The following CAMK2B variants were observed in gnomAD, a reference collection of about 807,000 sequenced individuals.
The protein encoded by CAMK2B is calcium/calmodulin-dependent protein kinase type II subunit beta.
Under a neutral mutation model 93.7 loss-of-function variants are expected in CAMK2B, and 27 were observed. The observed-to-expected ratio is 0.29, with a 90% CI of 0.21 to 0.40. CAMK2B has a LOEUF of 0.40. CAMK2B is among the 10% of genes least tolerant of loss of function. The pLI is 1.00. For synonymous variants in CAMK2B, 374 were observed against 358.8 expected, an observed-to-expected ratio of 1.04 and a Z score of -0.48; for missense variants, 568 against 895.8, an observed-to-expected ratio of 0.63 and a Z score of 4.67.
intron 13 of CAMK2B, among the ~76,000 whole-genome samples, chr7:44,236,868 C>T (rs1408722533): frequency 3.9e-5 from 6 of 152,174 alleles, no homozygotes; most frequent in East Asian, 3.9e-4. Flanking sequence ...AGCTGGGGGA[C>T]GGGCTCCTCC....
rs112418660 is a variant in CAMK2B at position 44,262,838 on chromosome 7, CA to C, written c.220+166del. 8.4e-4 allele frequency among the ~76,000 whole-genome samples: 128 copies of C among 152,328 alleles called. No individual in the cohort carries two copies. In the South Asian group the frequency reaches 0.021, roughly 24 times the overall value. ...TCACATACGACAAAGTCCTCAAGGTCAGGGGAGAAGAGGGGGCGTCCTCAGG... is the reference window on the plus strand; with the variant it reads ...TCACATACGACAAAGTCCTCAAGGTCGGGGAGAAGAGGGGGCGTCCTCAGG... On this transcript the variant is annotated intron_variant, in intron 3 of 23. Coordinates refer to ENST00000395749, the MANE Select transcript of CAMK2B (RefSeq NM_001220.5).
intron 1 of CAMK2B, among the ~76,000 whole-genome samples, chr7:44,288,273 G>A (rs896066191): frequency 5.3e-5 from 8 of 152,250 alleles, no homozygotes; most frequent in East Asian, 1.9e-4. Flanking sequence ...CTGGAAGCAC[G>A]GGCGGGCCTA....
chr7:44,233,041 G>C (rs973836889), intron 15 of CAMK2B, among the ~76,000 whole-genome samples, 175 bp from the exon 16 acceptor site: 2 of 152,096 alleles, frequency 1.3e-5, no homozygotes, highest in African/African-American at 2.4e-5. Context: ...GGAGCAGCTG[G>C]GGGAGGAGCC....
At chr7:44,237,395 C>T (rs1312673752) in intron 13 of CAMK2B, among the ~76,000 whole-genome samples, 1 of 152,236 alleles carries the variant, frequency 6.6e-6, no homozygotes, top group Non-Finnish European at 1.5e-5. Flanking sequence ...ACAAACCAGC[C>T]CTCCTCGAAG....
chr7:44,290,358 C>CGCTCA (rs1786441628), intron 1 of CAMK2B, among the ~76,000 whole-genome samples: 1 of 152,260 alleles, frequency 6.6e-6, no homozygotes, highest in Admixed American at 6.5e-5. Context: ...GCCCCCTCCC[C>CGCTCA]GCTCAGGTCC....
intron 2 of CAMK2B, among the ~76,000 whole-genome samples, chr7:44,269,776 T>C (rs922467352): frequency 6.6e-6 from 1 of 151,832 alleles, no homozygotes; most frequent in African/African-American, 2.4e-5. Context: ...GCCTCTGGAG[T>C]TGTCAGACCC....
At chr7:44,307,196 G>GAGGGA (rs1792074724) in intron 1 of CAMK2B, among the ~76,000 whole-genome samples, 1 of 137,362 alleles carries the variant, frequency 7.3e-6, no homozygotes, top group African/African-American at 2.8e-5. Context: ...AGCAGAGAGA[G>GAGGGA]GAGGGTGTGA....
chr7:44,236,045 C>T lies in CAMK2B; in HGVS notation c.1022-1369G>A, dbSNP rs148690661. 3.9e-5 allele frequency among the ~76,000 whole-genome samples: 6 copies of T among 152,332 alleles called. No individual in the cohort carries two copies. The East Asian group carries it at 1.2e-3, about 29-fold the overall frequency. On this transcript the variant is annotated intron_variant, in intron 13 of 23. Coordinates refer to ENST00000395749, the MANE Select transcript of CAMK2B (RefSeq NM_001220.5). ...CAGTCAGAAATGCAAATTCCCAGGC[C>T]CACCCCGCCCTCCTGAGCCAGAACT...
intron 12 of CAMK2B, among the ~76,000 whole-genome samples, chr7:44,240,387 T>G (rs377583568): frequency 5.9e-5 from 9 of 151,980 alleles, no homozygotes; most frequent in South Asian, 2.1e-4. Context: ...GGAGGCCACA[T>G]AGATGCCCGA....
chr7:44,308,877 G>C (rs1792690437), intron 1 of CAMK2B, among the ~76,000 whole-genome samples: 1 of 152,148 alleles, frequency 6.6e-6, no homozygotes, highest in Non-Finnish European at 1.5e-5. Context: ...CCCTCCCCGG[G>C]GCCTCTGTCC....
At chr7:44,300,966 T>C (rs976862477) in intron 1 of CAMK2B, among the ~76,000 whole-genome samples, 13 of 151,896 alleles carry the variant, frequency 8.6e-5, no homozygotes, top group Non-Finnish European at 1.8e-4. Flanking sequence ...TAGAAATCAA[T>C]AACAGAAAGA....
At position 44,220,547 on chromosome 7, in the gene CAMK2B, C is replaced by T; in HGVS notation, c.1768+69G>A. Reference sequence around the variant, plus strand: ...TTCCATAGGCAGCCACCATGCTGTCCCTGGGAGGGGCCGAGAGGCTCTCCT... The same window carrying T: ...TTCCATAGGCAGCCACCATGCTGTCTCTGGGAGGGGCCGAGAGGCTCTCCT... On this transcript the variant is annotated intron_variant, in intron 22 of 23. Coordinates refer to ENST00000395749, the MANE Select transcript of CAMK2B (RefSeq NM_001220.5). 5 of 1,362,200 alleles carry T rather than the reference C, an allele frequency of 3.7e-6. No homozygotes were observed. In the East Asian group the frequency reaches 9.5e-5, roughly 26 times the overall value. The allele number at this position is 1,362,200 out of a possible 1,614,324, so 84.4% of individuals were successfully genotyped here. A position where few individuals can be genotyped will look rare whatever the true frequency, so the allele number is the denominator to read the frequency against.
intron 11 of CAMK2B, 114 bp downstream of exon 11, chr7:44,241,586 T>C: frequency 2.6e-6 from 2 of 780,432 alleles, no homozygotes; most frequent in Non-Finnish European, 4.4e-6. Context: ...ACAGTCAGTC[T>C]TGGGGGCAGC....
chr7:44,267,646 G>GGGGGT lies in CAMK2B; in HGVS notation c.161-4587_161-4583dup, dbSNP rs571923285. On this transcript the variant is annotated intron_variant, in intron 2 of 23. Coordinates refer to ENST00000395749, the MANE Select transcript of CAMK2B (RefSeq NM_001220.5). The stretch of plus-strand genomic sequence containing the variant: ...ACACATTTACACACCTGCTCCCCAA[G>GGGGGT]GGGGTGGCTAAGAGAGACGCTGGCA... Among the ~76,000 whole-genome samples, 16 of 152,234 alleles carry GGGGGT rather than the reference G, an allele frequency of 1.1e-4. No individual in the cohort carries two copies. The South Asian group carries it at 1.2e-3, about 12-fold the overall frequency.
intron 4 of CAMK2B, among the ~76,000 whole-genome samples, chr7:44,258,580 C>T (rs868225278): frequency 4.6e-5 from 7 of 152,248 alleles, no homozygotes; most frequent in African/African-American, 1.7e-4. Flanking sequence ...CTCTGGGGTC[C>T]ACCCACCCGC....
chr7:44,220,481 G>T lies in CAMK2B; in HGVS notation c.1768+135C>A. 4.6e-6 allele frequency: 4 copies of T among 876,338 alleles called. No individual in the cohort carries two copies. The Admixed American group carries it at 7.9e-5, about 17-fold the overall frequency. 54.3% of individuals were successfully genotyped at this position (876,338 alleles called of 1,614,324 possible). A position where few individuals can be genotyped will look rare whatever the true frequency, so the allele number is the denominator to read the frequency against. On this transcript the variant is annotated intron_variant, in intron 22 of 23. Coordinates refer to ENST00000395749, the MANE Select transcript of CAMK2B (RefSeq NM_001220.5). ...GGGCTGGGTATGGCCTCTGGCGGGGGAGAGGTGGCTGGCCAACCCTGGGCA... is the reference window on the plus strand; with the variant it reads ...GGGCTGGGTATGGCCTCTGGCGGGGTAGAGGTGGCTGGCCAACCCTGGGCA...
chr7:44,254,160 C>G (rs2096809635), intron 5 of CAMK2B, among the ~76,000 whole-genome samples: 2 of 152,158 alleles, frequency 1.3e-5, no homozygotes, highest in Non-Finnish European at 2.9e-5. Context: ...AGCCGGGCCA[C>G]AAACAGTCAT....
chr7:44,227,734 AT>A (rs1562804884), intron 19 of CAMK2B, among the ~76,000 whole-genome samples: 5 of 3,544 alleles, frequency 1.4e-3, no homozygotes, highest in South Asian at 0.022. Context: ...ACAGAGGGGT[AT>A]ATGGGGGACA....
chr7:44,319,387 C>T (rs1795528128), intron 1 of CAMK2B, among the ~76,000 whole-genome samples: 1 of 151,986 alleles, frequency 6.6e-6, no homozygotes, highest in African/African-American at 2.4e-5. Flanking sequence ...CTTTAAAGGC[C>T]AATGGAGCAA....
Sources: gnomAD v4.1 joint callset for allele counts (sites outside exome capture counted in the v4.1 genomes callset) on GRCh38, gnomAD v4.1.1 for gene constraint, MANE v1.5 for transcripts, NCBI Gene and HGNC (gene_info 2026-07-23, HGNC 2026-07-21) for gene names.